Variants in DENND3 observed in about 807,000 individuals in gnomAD.
The protein encoded by DENND3 is DENN domain-containing protein 3.
A neutral mutation model predicts 135.1 loss-of-function variants in DENND3; 88 were observed. That is an observed-to-expected ratio of 0.65 (90% CI 0.55 to 0.78). The LOEUF is 0.78. Ranked by LOEUF, DENND3 falls within the 30% of genes least tolerant of loss-of-function variation. The pLI is 0.00. For synonymous variants in DENND3, 693 were observed against 712.3 expected (o/e 0.97, Z 0.43); for missense variants, 1,392 against 1,688.4 (o/e 0.82, Z 3.08).
In DENND3 at chr8:141,185,180, A is replaced by G; in HGVS notation, c.2986A>G (p.Lys996Glu). Reference sequence around the variant, plus strand: ...CGAAAAAGTTGAAGATGCTCACCCCAAGTTATGGTGTGCTCTGAGCGAAGG... The same window carrying G: ...CGAAAAAGTTGAAGATGCTCACCCCGAGTTATGGTGTGCTCTGAGCGAAGG... ...PAEKVEDAHP[K>E]LWCALSEGKV... The change falls in exon 18 of 23, where the codon AAG (lysine) becomes GAG (glutamate). Residue 996 changes from lysine (K) to glutamate (E), a missense_variant. Coordinates refer to ENST00000519811, the MANE Select transcript of DENND3 (RefSeq NM_001352890.3). 1 of 1,614,086 alleles carries G rather than the reference A, an allele frequency of 6.2e-7. No homozygotes were observed. The highest frequency in any genetic ancestry group is 8.5e-7 in the Non-Finnish European group (1 of 1,179,972).
chr8:141,181,532 G>A (rs1481873396), intron 17 of DENND3, among the ~76,000 whole-genome samples: 5 of 152,202 alleles, frequency 3.3e-5, no homozygotes, highest in African/African-American at 1.2e-4. Context: ...CCTGCCTCCT[G>A]TGCTTGGCTT....
In DENND3 at chr8:141,175,171, T is replaced by C. The variant is rs199632375; in HGVS notation, c.2276-29T>C. On this transcript the variant is annotated intron_variant, in intron 13 of 22. Coordinates refer to ENST00000519811, the MANE Select transcript of DENND3 (RefSeq NM_001352890.3). The surrounding 1 kb of genome is among the most constrained non-coding windows in gnomAD (Gnocchi z 5.4). Reference sequence around the variant, plus strand: ...GCTCCCGAGGTATGTGGCTGTAAGATACCTCTCTTTTCTTCTTATCAAACT... The same window carrying C: ...GCTCCCGAGGTATGTGGCTGTAAGACACCTCTCTTTTCTTCTTATCAAACT... 5.0e-5 allele frequency: 80 copies of C among 1,596,766 alleles called. No individual in the cohort carries two copies. Among genetic ancestry groups the C allele is most frequent in the South Asian group, 1.2e-4 (11 of 89,384 alleles).
At chr8:141,193,860 A>G in intron 22 of DENND3, 173 bp from the exon 23 acceptor site, 1 of 675,718 alleles carries the variant, frequency 1.5e-6, no homozygotes, top group South Asian at 1.9e-5. Flanking sequence ...TCTAAGCCCG[A>G]GAAGGGTCCT....
intron 5 of DENND3, among the ~76,000 whole-genome samples, chr8:141,145,847 A>T (rs1376290517): frequency 0.11 from 6,033 of 55,924 alleles, 761 homozygotes; most frequent in African/African-American, 0.45. Flanking sequence ...ATATATATAT[A>T]TATGTATTTT....
At position 141,163,769 on chromosome 8, in the gene DENND3, G is replaced by A. The variant is rs148603320; in HGVS notation, c.1449+340G>A. Reference sequence around the variant, plus strand: ...CTAAAAATACAAAAATTAGCTGGGTGTGGTAGTGCACGCCTGTAATCCCAG... The same window carrying A: ...CTAAAAATACAAAAATTAGCTGGGTATGGTAGTGCACGCCTGTAATCCCAG... On this transcript the variant is annotated intron_variant, in intron 10 of 22. Coordinates refer to ENST00000519811, the MANE Select transcript of DENND3 (RefSeq NM_001352890.3). 7.1e-3 allele frequency among the ~76,000 whole-genome samples: 1,077 copies of A among 152,044 alleles called. 22 individuals carry two copies. Among genetic ancestry groups the A allele is most frequent in the African/African-American group, 0.025 (1,035 of 41,446 alleles).
Position 141,168,257 on chromosome 8 carries a change from G to A in DENND3, c.2007G>A (p.Arg669=). 6.2e-7 allele frequency: 1 copy of A among 1,614,170 alleles called. No homozygotes were observed. The highest frequency in any genetic ancestry group is 8.5e-7 in the Non-Finnish European group (1 of 1,180,040). ...AGAATCTGTATAAAACAGACATACG[G>A]ATCTTTCCCACTGATTTGGTGAAGA... The part of the protein sequence containing the change: ...DFQNLYKTDI[R]IFPTDLVKRT... Residue 669 remains arginine (R), a synonymous_variant, in exon 13 of 23, where the codon CGG becomes CGA. Transcript: ENST00000519811. The surrounding 1 kb of genome is among the most constrained non-coding windows in gnomAD (Gnocchi z 6.2).
Position 141,168,170 on chromosome 8 carries a change from G to A in DENND3, c.1920G>A (p.Leu640=), listed in dbSNP as rs982286577. 1.2e-5 allele frequency: 20 copies of A among 1,614,076 alleles called. No individual in the cohort carries two copies. The highest frequency in any genetic ancestry group is 1.7e-5 in the Admixed American group (1 of 60,006). Residue 640 remains leucine (L), a synonymous_variant, in exon 13 of 23, where the codon TTG becomes TTA. Coordinates refer to ENST00000519811, the MANE Select transcript of DENND3 (RefSeq NM_001352890.3). The surrounding 1 kb of genome is among the most constrained non-coding windows in gnomAD (Gnocchi z 6.2). The part of the protein sequence containing the change: ...PDNSLLLARY[L]YLRGLVYLMQ... ...ACTCTCTGCTCCTGGCCCGCTATTT[G>A]TACCTCCGAGGGCTCGTTTATCTGA...
At position 141,130,642 on chromosome 8, in the gene DENND3, A is replaced by G. The variant is rs574268016; in HGVS notation, c.102+1833A>G. Among the ~76,000 whole-genome samples, 39 of 145,368 alleles carry G rather than the reference A, an allele frequency of 2.7e-4. No homozygotes were observed. The highest frequency in any genetic ancestry group is 4.6e-4 in the South Asian group (2 of 4,334). On this transcript the variant is annotated intron_variant, in intron 1 of 22. Transcript: ENST00000519811. This position sits in a 1 kb window ranked among gnomAD's most constrained non-coding sequence, Gnocchi z 4.2. ...ACCAAACATATGATTTTATTTATTT[A>G]GATGTTTTTTCGGCGGTTCTATTTT...
At chr8:141,149,854 C>T (rs1455891844) in intron 5 of DENND3, among the ~76,000 whole-genome samples, 1 of 152,234 alleles carries the variant, frequency 6.6e-6, no homozygotes, top group Non-Finnish European at 1.5e-5. Context: ...GGTGTCCCCA[C>T]CACCAAGAAA....
At chr8:141,156,016 A>G (rs766937125) in intron 8 of DENND3, 46 bp downstream of exon 8, 2 of 1,554,842 alleles carry the variant, frequency 1.3e-6, no homozygotes, top group Non-Finnish European at 1.7e-6. Context: ...GTCTTTGTTC[A>G]GATTCTGTAT....
In DENND3 at chr8:141,168,089, C is replaced by T; in HGVS notation, c.1839C>T (p.Tyr613=). The T allele has an allele frequency of 1.2e-6, 2 of 1,614,186 alleles. No individual in the cohort carries two copies. The highest frequency in any genetic ancestry group is 1.1e-5 in the South Asian group (1 of 91,082). The change falls in exon 13 of 23, where the codon TAC becomes TAT. Residue 613 remains tyrosine (Y), a synonymous_variant. Coordinates refer to ENST00000519811, the MANE Select transcript of DENND3 (RefSeq NM_001352890.3). This position sits in a 1 kb window ranked among gnomAD's most constrained non-coding sequence, Gnocchi z 6.2. ...FPLESKCVQA[Y]HAHFVSMLSE... is the part of the protein sequence containing the mutation. ...TGGAGAGCAAGTGCGTGCAGGCATA[C>T]CATGCCCACTTTGTCTCCATGCTGA...
At chr8:141,160,921 C>T in intron 9 of DENND3, 134 bp downstream of exon 9, 1 of 1,159,044 alleles carries the variant, frequency 8.6e-7, no homozygotes, top group Non-Finnish European at 1.2e-6. Context: ...GGTCCCCGCC[C>T]CCTGCCAAAG....
In DENND3 at chr8:141,190,418, G is replaced by GT; in HGVS notation, c.3379+2dup. The GT allele has an allele frequency of 6.8e-6, 11 of 1,606,664 alleles. No homozygotes were observed. Among genetic ancestry groups the GT allele is most frequent in the Non-Finnish European group, 9.3e-6 (11 of 1,177,624 alleles). ...CTGCACGGCGGCCGCCTGTGGTGCT[G>GT]TAAGTCCGGCCCCTGCCATCAGAGC... On this transcript the variant is annotated splice_donor_variant, in intron 20 of 22. Coordinates refer to ENST00000519811, the MANE Select transcript of DENND3 (RefSeq NM_001352890.3). LOFTEE classifies it high-confidence loss of function.
At position 141,155,989 on chromosome 8, in the gene DENND3, G is replaced by A. The variant is rs2154612997; in HGVS notation, c.1196+19G>A. 1 of 1,581,202 alleles carries A rather than the reference G, an allele frequency of 6.3e-7. No homozygotes were observed. The highest frequency in any genetic ancestry group is 1.2e-5 in the South Asian group (1 of 86,566). On this transcript the variant is annotated intron_variant, in intron 8 of 22. Coordinates refer to ENST00000519811, the MANE Select transcript of DENND3 (RefSeq NM_001352890.3). ...TTCAGAGGTAACGGGAAACATTAAT[G>A]GTATGAATTTCAGACCGTCTTTGTT...
chr8:141,169,794 A>G (rs748236277), intron 13 of DENND3, among the ~76,000 whole-genome samples: 1 of 152,208 alleles, frequency 6.6e-6, no homozygotes, highest in East Asian at 1.9e-4. Context: ...TGTTTTACTC[A>G]TGGTGTTTTC....
rs544062286 is a variant in DENND3 at position 141,144,294 on chromosome 8, T to G, written c.735+35T>G. The G allele has an allele frequency of 5.2e-6, 8 of 1,546,932 alleles. No individual in the cohort carries two copies. In the South Asian group the frequency reaches 9.4e-5, roughly 18 times the overall value. On this transcript the variant is annotated intron_variant, in intron 5 of 22. Transcript: ENST00000519811. The surrounding 1 kb of genome is among the most constrained non-coding windows in gnomAD (Gnocchi z 4.4). ...ATCTGAAATTATATTGTTTTTTCTT[T>G]GCAAATAGTAAAAGTAAGATGTTGA...
At chr8:141,178,422 G>A (rs746052582) in intron 16 of DENND3, among the ~76,000 whole-genome samples, 23 of 152,208 alleles carry the variant, frequency 1.5e-4, no homozygotes, top group Admixed American at 5.2e-4. Flanking sequence ...GAGGCACCTC[G>A]TCGTTTTAAT....
intron 7 of DENND3, 21 bp downstream of exon 7, chr8:141,151,858 C>G: frequency 1.9e-6 from 3 of 1,611,702 alleles, no homozygotes; most frequent in Non-Finnish European, 2.5e-6. Context: ...GAACCTTTGA[C>G]TTGGAATGCT....
Position 141,155,089 on chromosome 8 carries a change from A to T in DENND3, c.1075-760A>T, listed in dbSNP as rs139502303. On this transcript the variant is annotated intron_variant, in intron 7 of 22. Coordinates refer to ENST00000519811, the MANE Select transcript of DENND3 (RefSeq NM_001352890.3). ...CCCTAGAGGAGTCAAATTCATGGAGACAGAAAGCAGATTAGTGGGCTTGTG... is the reference window on the plus strand; with the variant it reads ...CCCTAGAGGAGTCAAATTCATGGAGTCAGAAAGCAGATTAGTGGGCTTGTG... Among the ~76,000 whole-genome samples the T allele has an allele frequency of 2.6e-3, 393 of 152,260 alleles. 1 individual carries two copies. Among genetic ancestry groups the T allele is most frequent in the African/African-American group, 9.2e-3 (381 of 41,532 alleles).
Sources: allele counts gnomAD v4.1 joint callset (sites outside exome capture counted in the v4.1 genomes callset), GRCh38; gene constraint gnomAD v4.1.1; non-coding constraint Gnocchi (gnomAD v3.1); transcripts MANE v1.5; gene names NCBI Gene and HGNC (gene_info 2026-07-23, HGNC 2026-07-21).